TMEM108: variants seen among roughly 807,000 people sequenced by gnomAD.
TMEM108 encodes the protein transmembrane protein 108.
Under a neutral mutation model 35.1 loss-of-function variants are expected in TMEM108, and 12 were observed. The ratio of observed to expected loss-of-function variants is 0.34; its 90% confidence interval spans 0.22 to 0.55. TMEM108 has a LOEUF of 0.55. Ranked by LOEUF, TMEM108 falls within the 20% of genes least tolerant of loss-of-function variation. TMEM108 has a pLI of 0.89. For missense variants in TMEM108, 680 were observed against 753.3 expected (o/e 0.90, Z 1.14); for synonymous variants, 287 against 308.6 (o/e 0.93, Z 0.73).
At chr3:133,113,489 T>A (rs1346907342) in intron 2 of TMEM108, among the ~76,000 whole-genome samples, 1 of 152,208 alleles carries the variant, frequency 6.6e-6, no homozygotes, top group African/African-American at 2.4e-5. Flanking sequence ...ATGAGCCATA[T>A]GAGAATGACT....
chr3:133,150,493 G>A (rs1442228399), intron 2 of TMEM108, among the ~76,000 whole-genome samples: 2 of 151,826 alleles, frequency 1.3e-5, no homozygotes, highest in Non-Finnish European at 2.9e-5. Flanking sequence ...TTCCCTTCCT[G>A]TGCAGAAGCC....
rs1335352931 is a variant in TMEM108 at position 133,054,117 on chromosome 3, A to G, written c.-47+8097A>G. On this transcript the variant is annotated intron_variant, in intron 2 of 5. Transcript: ENST00000321871. Reference sequence around the variant, plus strand: ...GGGTAGAGCAGTGCTGGGGTAGAACATGAGACCTCAGTCTAGTTTAATTAC... The same window carrying G: ...GGGTAGAGCAGTGCTGGGGTAGAACGTGAGACCTCAGTCTAGTTTAATTAC... Among the ~76,000 whole-genome samples the G allele has an allele frequency of 3.9e-5, 6 of 152,250 alleles. No individual in the cohort carries two copies. The East Asian group carries it at 1.2e-3, about 29-fold the overall frequency.
chr3:133,390,424 C>G (rs1335797496), intron 5 of TMEM108, 90 bp downstream of exon 5: 2 of 1,445,552 alleles, frequency 1.4e-6, no homozygotes, highest in Non-Finnish European at 1.9e-6. Context: ...GTGCCTTGCT[C>G]CTTAACGTAT....
rs543960258 is a variant in TMEM108, at chr3:133,051,689, A to G, written c.-47+5669A>G. 9.2e-5 allele frequency among the ~76,000 whole-genome samples: 14 copies of G among 152,220 alleles called. 1 individual carries two copies. In the East Asian group the frequency reaches 2.5e-3, roughly 27 times the overall value. ...TGATCCATTTTGAGTTAATTTTTGT[A>G]AAGAGTGTAAGGTCTGTGTCTAGAT... On this transcript the variant is annotated intron_variant, in intron 2 of 5. Coordinates refer to ENST00000321871, the MANE Select transcript of TMEM108 (RefSeq NM_023943.4).
chr3:133,117,686 A>T (rs778589470), intron 2 of TMEM108, among the ~76,000 whole-genome samples: 37 of 152,350 alleles, frequency 2.4e-4, no homozygotes, highest in Non-Finnish European at 4.7e-4. Flanking sequence ...TACTCTAAAT[A>T]CAAAGTAAGA....
chr3:133,374,543 TA>T (rs2072775637), intron 3 of TMEM108, among the ~76,000 whole-genome samples: 1 of 94,536 alleles, frequency 1.1e-5, no homozygotes, highest in African/African-American at 5.1e-5. Context: ...TAATTTTTGT[TA>T]TATATATATA....
Position 133,311,570 on chromosome 3 carries a change from T to C in TMEM108, c.41-68182T>C, listed in dbSNP as rs145999592. Among the ~76,000 whole-genome samples the C allele has an allele frequency of 4.9e-3, 741 of 152,308 alleles. 7 individuals are homozygous for C. The highest frequency in any genetic ancestry group is 0.017 in the African/African-American group (700 of 41,572). On this transcript the variant is annotated intron_variant, in intron 3 of 5. Coordinates refer to ENST00000321871, the MANE Select transcript of TMEM108 (RefSeq NM_023943.4). Reference sequence around the variant, plus strand: ...ATGGTTTTCAGCTCCATCAGGTCATTTAAGGTCTTCTCTACGCTGTTTATT... The same window carrying C: ...ATGGTTTTCAGCTCCATCAGGTCATCTAAGGTCTTCTCTACGCTGTTTATT...
intron 2 of TMEM108, among the ~76,000 whole-genome samples, chr3:133,172,056 T>C (rs1945137995): frequency 6.6e-6 from 1 of 152,252 alleles, no homozygotes. Context: ...ATTATAATGA[T>C]AACCCATACA....
intron 3 of TMEM108, among the ~76,000 whole-genome samples, chr3:133,320,976 C>T (rs558259311): frequency 6.6e-5 from 10 of 152,190 alleles, no homozygotes; most frequent in African/African-American, 2.4e-4. Flanking sequence ...ATGCTGAGAG[C>T]ATTTGCCACT....
rs139661428 is a variant in TMEM108 at position 133,159,586 on chromosome 3, C to T, written c.-46-69680C>T. The stretch of plus-strand genomic sequence containing the variant: ...CCCACTATGATGATGATAACCCATA[C>T]GTACCTCTAACTCTGGGCCAGGGAC... On this transcript the variant is annotated intron_variant, in intron 2 of 5. Transcript: ENST00000321871. Among the ~76,000 whole-genome samples the T allele has an allele frequency of 9.5e-4, 145 of 152,298 alleles. No homozygotes were observed. The South Asian group carries it at 0.019, about 20-fold the overall frequency.
rs1439474430 is a variant in TMEM108 at position 133,286,873 on chromosome 3, A to G, written c.40+57522A>G. ...CTAAAAAAACTTCTCTTATCAGGAA[A>G]GCAGAAAACAGACCAATATGAGTTG... On this transcript the variant is annotated intron_variant, in intron 3 of 5. Transcript: ENST00000321871. Among the ~76,000 whole-genome samples, 6 of 152,244 alleles carry G rather than the reference A, an allele frequency of 3.9e-5. No individual in the cohort carries two copies. The East Asian group carries it at 1.2e-3, about 29-fold the overall frequency.
intron 3 of TMEM108, among the ~76,000 whole-genome samples, chr3:133,267,035 C>G (rs1350325302): frequency 6.7e-6 from 1 of 148,602 alleles, no homozygotes; most frequent in African/African-American, 2.5e-5. Flanking sequence ...AAGTCGAGAT[C>G]GCGCCACTGC....
intron 3 of TMEM108, among the ~76,000 whole-genome samples, chr3:133,255,715 G>A (rs545277396): frequency 2.6e-4 from 40 of 152,296 alleles, no homozygotes; most frequent in African/African-American, 8.7e-4. Context: ...AGGGCTGGGC[G>A]TGGTGGCTCA....
At chr3:133,123,691 G>T (rs548486134) in intron 2 of TMEM108, among the ~76,000 whole-genome samples, 1 of 152,324 alleles carries the variant, frequency 6.6e-6, no homozygotes, top group South Asian at 2.1e-4. Flanking sequence ...TGAATAAGAA[G>T]CCTCTTTTTA....
chr3:133,254,580 G>C (rs1014293998), intron 3 of TMEM108, among the ~76,000 whole-genome samples: 1 of 151,952 alleles, frequency 6.6e-6, no homozygotes, highest in Non-Finnish European at 1.5e-5. Flanking sequence ...ACATAAGAAA[G>C]CAAGCTATGA....
At chr3:133,243,363 A>T (rs1946338907) in intron 3 of TMEM108, among the ~76,000 whole-genome samples, 1 of 152,122 alleles carries the variant, frequency 6.6e-6, no homozygotes, top group African/African-American at 2.4e-5. Context: ...AATTGATGTT[A>T]TTGTTATTTT....
Position 133,302,782 on chromosome 3 carries a change from T to C in TMEM108, c.40+73431T>C, listed in dbSNP as rs1289620560. Among the ~76,000 whole-genome samples, 4 of 152,310 alleles carry C rather than the reference T, an allele frequency of 2.6e-5. No individual in the cohort carries two copies. In the East Asian group the frequency reaches 7.7e-4, roughly 29 times the overall value. Reference sequence around the variant, plus strand: ...TATTACAGTATTTTTACTCGAATTGTTTGGTAACATTGACCCTTTAGATCA... The same window carrying C: ...TATTACAGTATTTTTACTCGAATTGCTTGGTAACATTGACCCTTTAGATCA... On this transcript the variant is annotated intron_variant, in intron 3 of 5. Transcript: ENST00000321871.
Position 133,259,584 on chromosome 3 carries a change from C to A in TMEM108, c.40+30233C>A, listed in dbSNP as rs144370901. 3.5e-3 allele frequency among the ~76,000 whole-genome samples: 532 copies of A among 152,298 alleles called. 6 individuals are homozygous for A. Among genetic ancestry groups the A allele is most frequent in the Non-Finnish European group, 2.6e-3 (175 of 68,024 alleles). ...AAATAATTGAATTAAGATTTTAATT[C>A]CTGGCCTCTGACTGCAAGCCCGGTG... On this transcript the variant is annotated intron_variant, in intron 3 of 5. Coordinates refer to ENST00000321871, the MANE Select transcript of TMEM108 (RefSeq NM_023943.4).
chr3:133,060,489 T>G (rs1943522852), intron 2 of TMEM108, among the ~76,000 whole-genome samples: 1 of 152,224 alleles, frequency 6.6e-6, no homozygotes, highest in South Asian at 2.1e-4. Context: ...GCTTAGCTAT[T>G]CTATGAATAG....
Sources: allele counts gnomAD v4.1 joint callset (sites outside exome capture counted in the v4.1 genomes callset), GRCh38; gene constraint gnomAD v4.1.1; transcripts MANE v1.5; gene names NCBI Gene and HGNC (gene_info 2026-07-23, HGNC 2026-07-21).